ELMO2: variants seen among roughly 807,000 people sequenced by gnomAD.
The protein encoded by ELMO2 is engulfment and cell motility protein 2.
In ELMO2, 37 loss-of-function variants were observed where a neutral mutation model predicts 96.2. The ratio of observed to expected loss-of-function variants is 0.38; its 90% confidence interval spans 0.30 to 0.51. The LOEUF is 0.51. ELMO2 is among the 20% of genes least tolerant of loss of function. ELMO2 has a pLI of 0.88. For missense variants in ELMO2, 561 were observed against 912.6 expected, an observed-to-expected ratio of 0.61 and a Z score of 4.96; for synonymous variants, 315 against 329.4, an observed-to-expected ratio of 0.96 and a Z score of 0.47.
chr20:46,376,669 T>G (rs1207848069), intron 11 of ELMO2: 1 of 1,289,450 alleles, frequency 7.8e-7, no homozygotes, highest in African/African-American at 1.5e-5. Context: ...CCCTTCTTGC[T>G]CCCTTGTATT....
chr20:46,388,332 C>T (rs1226954121), intron 7 of ELMO2, among the ~76,000 whole-genome samples: 3 of 152,204 alleles, frequency 2.0e-5, no homozygotes, highest in East Asian at 1.9e-4. Flanking sequence ...ATTAGTTACT[C>T]GATTTGGCTA....
chr20:46,393,163 CA>C lies in ELMO2; in HGVS notation c.193-21del. 1 of 1,610,748 alleles carries C rather than the reference CA, an allele frequency of 6.2e-7. No homozygotes were observed. Among genetic ancestry groups the C allele is most frequent in the Non-Finnish European group, 8.5e-7 (1 of 1,177,898 alleles). On this transcript the variant is annotated intron_variant, in intron 5 of 21. Coordinates refer to ENST00000290246, the MANE Select transcript of ELMO2 (RefSeq NM_133171.5). ...GCGAGTCTGGGTAGTGAAAAATAAA[CA>C]AAAAAAGTAACTAAGATAAAATGTT...
intron 7 of ELMO2, 67 bp downstream of exon 7, chr20:46,388,972 A>G: frequency 6.6e-7 from 1 of 1,520,558 alleles, no homozygotes; most frequent in Non-Finnish European, 8.9e-7. Context: ...GGGAAATGAG[A>G]CTAGGATGCC....
rs1771222851 is a variant in ELMO2, at chr20:46,381,010, T to G, written c.757-707A>C. ...TTAAGGGTTCTCTCAGAATCATTAT[T>G]TTGACCATTCTTATGCAAATCTTTT... On this transcript the variant is annotated intron_variant, in intron 10 of 21. Transcript: ENST00000290246. Among the ~76,000 whole-genome samples the G allele has an allele frequency of 2.6e-5, 4 of 152,234 alleles. No homozygotes were observed. The South Asian group carries it at 8.3e-4, about 32-fold the overall frequency.
At chr20:46,372,983 C>T (rs188105214) in intron 16 of ELMO2, 9 of 160,752 alleles carry the variant, frequency 5.6e-5, no homozygotes, top group East Asian at 3.6e-4. Context: ...CTGAAAGCAC[C>T]GAGGGATAAC....
intron 13 of ELMO2, 139 bp from the exon 14 acceptor site, chr20:46,374,779 C>G (rs1253777417): frequency 1.4e-6 from 1 of 713,200 alleles, no homozygotes. Flanking sequence ...TCACACCCAT[C>G]ACCACCACTG....
At chr20:46,401,963 T>C (rs893317387) in intron 1 of ELMO2, among the ~76,000 whole-genome samples, 18 of 152,200 alleles carry the variant, frequency 1.2e-4, no homozygotes, top group Non-Finnish European at 2.5e-4. Flanking sequence ...AGGTGTGATG[T>C]GCATACCAGC....
At chr20:46,393,909 T>C (rs1420873972) in intron 4 of ELMO2, 140 bp downstream of exon 4, 3 of 1,180,820 alleles carry the variant, frequency 2.5e-6, no homozygotes, top group Non-Finnish European at 3.6e-6. Flanking sequence ...CTGTACTTCC[T>C]TCCCAAGACA....
chr20:46,380,887 T>C (rs1337762182), intron 10 of ELMO2, among the ~76,000 whole-genome samples: 1 of 152,214 alleles, frequency 6.6e-6, no homozygotes, highest in African/African-American at 2.4e-5. Flanking sequence ...ACCTTTTTTA[T>C]AATATTTGAT....
intron 11 of ELMO2, chr20:46,376,652 C>G (rs892698121): frequency 2.3e-5 from 30 of 1,289,482 alleles, no homozygotes; most frequent in Admixed American, 2.1e-4. Flanking sequence ...CCCACAATAT[C>G]CTGCTTCCCT....
Position 46,383,482 on chromosome 20 carries a change from C to T in ELMO2, c.690G>A (p.Glu230=). 1 of 1,613,982 alleles carries T rather than the reference C, an allele frequency of 6.2e-7. No individual in the cohort carries two copies. Among genetic ancestry groups the T allele is most frequent in the East Asian group, 2.2e-5 (1 of 44,876 alleles). The change falls in exon 10 of 22, where the codon GAG becomes GAA. Residue 230 remains glutamate (E), a synonymous_variant. Transcript: ENST00000290246. The part of the protein sequence containing the change: ...LISHLQVSNQ[E]IQTYAIALIN... ...TCAGTGCAATGGCGTAGGTCTGAATCTCCTGGTTGGAGCTGTGTCAATGGA... is the reference window on the plus strand; with the variant it reads ...TCAGTGCAATGGCGTAGGTCTGAATTTCCTGGTTGGAGCTGTGTCAATGGA...
chr20:46,405,177 T>C (rs1469808877), intron 1 of ELMO2, among the ~76,000 whole-genome samples: 1 of 152,224 alleles, frequency 6.6e-6, no homozygotes, highest in East Asian at 1.9e-4. Flanking sequence ...TCAATACTTT[T>C]GTAAATAAAT....
chr20:46,388,569 C>G (rs2060090610), intron 7 of ELMO2, among the ~76,000 whole-genome samples: 1 of 151,368 alleles, frequency 6.6e-6, no homozygotes, highest in African/African-American at 2.4e-5. Context: ...TAGGTTGACA[C>G]CTGTGGTAAA....
chr20:46,405,494 A>G (rs75952834), intron 1 of ELMO2, among the ~76,000 whole-genome samples: 7,947 of 152,268 alleles, frequency 0.052, 241 homozygotes, highest in Middle Eastern at 0.11. Flanking sequence ...GGGAGAGGTC[A>G]GCGGGACCGG....
intron 2 of ELMO2, among the ~76,000 whole-genome samples, chr20:46,396,640 T>C (rs953254556): frequency 1.3e-5 from 2 of 152,238 alleles, no homozygotes; most frequent in Admixed American, 6.5e-5. Flanking sequence ...ACTTTTTAGA[T>C]CATTTGTTTA....
intron 9 of ELMO2, among the ~76,000 whole-genome samples, chr20:46,383,752 A>G (rs933972470): frequency 2.0e-5 from 3 of 152,246 alleles, no homozygotes; most frequent in African/African-American, 7.2e-5. Flanking sequence ...AAAAGAATGG[A>G]AAGTAATCCA....
intron 1 of ELMO2, among the ~76,000 whole-genome samples, chr20:46,399,875 T>G (rs1376881030): frequency 6.6e-6 from 1 of 152,224 alleles, no homozygotes; most frequent in Non-Finnish European, 1.5e-5. Context: ...TTTAACAGTT[T>G]GTTTTGGCTG....
In ELMO2 at chr20:46,389,149, C is replaced by T. The variant is rs6122502; in HGVS notation, c.315G>A (p.Lys105=). Residue 105 remains lysine, a synonymous_variant, in exon 7 of 22, where the codon AAG becomes AAA. Coordinates refer to ENST00000290246, the MANE Select transcript of ELMO2 (RefSeq NM_133171.5). ...SNMETRLDAM[K]ELAKLSADVT... is the part of the protein sequence containing the mutation. ...CGTCGGCAGAGAGCTTGGCCAGCTC[C>T]TTCATGGCATCCAGCCGGGTCTCCA... 1 of 1,614,196 alleles carries T rather than the reference C, an allele frequency of 6.2e-7. No homozygotes were observed. The highest frequency in any genetic ancestry group is 8.5e-7 in the Non-Finnish European group (1 of 1,180,034).
At chr20:46,397,508 A>G (rs1316791425) in intron 2 of ELMO2, among the ~76,000 whole-genome samples, 113 of 152,284 alleles carry the variant, frequency 7.4e-4, no homozygotes, top group African/African-American at 2.6e-3. Flanking sequence ...CGTCTCTAGT[A>G]AAAATACAAA....
Sources: gnomAD v4.1 joint callset for allele counts (sites outside exome capture counted in the v4.1 genomes callset) on GRCh38, gnomAD v4.1.1 for gene constraint, MANE v1.5 for transcripts, NCBI Gene and HGNC (gene_info 2026-07-23, HGNC 2026-07-21) for gene names.